AKAP19: variants seen among roughly 807,000 people sequenced by gnomAD.
The protein encoded by AKAP19 is A-kinase anchoring protein 19, also known as small A-kinase anchoring protein.
At chr2:190,037,128 G>T in the AKAP19 span, among the ~76,000 whole-genome samples, 1 of 152,320 alleles carries the variant, frequency 6.6e-6, no homozygotes, top group Admixed American at 6.5e-5. Context: ...TGGCTCAACT[G>T]CTAGGGCTCA....
At chr2:189,918,538 T>C in the AKAP19 span, among the ~76,000 whole-genome samples, 2 of 152,158 alleles carry the variant, frequency 1.3e-5, no homozygotes, top group African/African-American at 2.4e-5. Context: ...TGTGGAGAAA[T>C]TGTAACACTC....
the AKAP19 span, among the ~76,000 whole-genome samples, chr2:190,087,979 C>CA: frequency 7.9e-5 from 12 of 151,870 alleles, no homozygotes; most frequent in Non-Finnish European, 1.3e-4. Flanking sequence ...CGGACACACA[C>CA]AAAAAAGTAG....
the AKAP19 span, among the ~76,000 whole-genome samples, chr2:190,064,270 G>T: frequency 6.6e-6 from 1 of 152,100 alleles, no homozygotes; most frequent in Admixed American, 6.6e-5. Context: ...GAGGATTTCA[G>T]ATACTCTTTG....
the AKAP19 span, among the ~76,000 whole-genome samples, chr2:190,106,451 T>A: frequency 4.6e-5 from 7 of 152,294 alleles, no homozygotes; most frequent in African/African-American, 1.7e-4. Flanking sequence ...ATCCTAATCC[T>A]AATTCTGCTT....
chr2:190,077,464 T>C, the AKAP19 span, among the ~76,000 whole-genome samples: 1 of 140,610 alleles, frequency 7.1e-6, no homozygotes, highest in African/African-American at 3.1e-5. Context: ...TGTTAACATG[T>C]TAACATGTTA....
the AKAP19 span, among the ~76,000 whole-genome samples, chr2:189,970,144 G>A: frequency 6.6e-6 from 1 of 151,932 alleles, no homozygotes; most frequent in Admixed American, 6.6e-5. Context: ...TGAGATTACA[G>A]GCATGAGCCA....
At chr2:189,904,007 AT>A in the AKAP19 span, among the ~76,000 whole-genome samples, 3 of 152,068 alleles carry the variant, frequency 2.0e-5, no homozygotes, top group Non-Finnish European at 4.4e-5. Flanking sequence ...TTTTATAGTC[AT>A]TTTTGTGTGG....
the AKAP19 span, among the ~76,000 whole-genome samples, chr2:190,091,353 T>C: frequency 1.3e-5 from 2 of 152,232 alleles, no homozygotes; most frequent in South Asian, 4.1e-4. Context: ...ATGAATTTAT[T>C]TCAGAAAGTC....
At chr2:190,199,882 C>CAA in the AKAP19 span, 1 of 1,613,682 alleles carries the variant, frequency 6.2e-7, no homozygotes, top group South Asian at 1.1e-5. Context: ...GAAATCAAAG[C>CAA]AAACTTTCCC....
At chr2:190,188,135 C>T in the AKAP19 span, among the ~76,000 whole-genome samples, 1 of 152,064 alleles carries the variant, frequency 6.6e-6, no homozygotes, top group East Asian at 1.9e-4. Flanking sequence ...GATTTTAATA[C>T]TTATAGCCTG....
the AKAP19 span, among the ~76,000 whole-genome samples, chr2:190,058,564 T>C: frequency 6.6e-6 from 1 of 151,998 alleles, no homozygotes; most frequent in Admixed American, 6.6e-5. Flanking sequence ...CGTATGTTTA[T>C]CGCAGCATAA....
chr2:190,094,985 G>A, the AKAP19 span, among the ~76,000 whole-genome samples: 1 of 152,242 alleles, frequency 6.6e-6, no homozygotes, highest in Admixed American at 6.5e-5. Context: ...AGCACTTTGA[G>A]AGGCCGAGAT....
the AKAP19 span, among the ~76,000 whole-genome samples, chr2:190,086,618 A>G: frequency 3.3e-5 from 5 of 152,142 alleles, no homozygotes; most frequent in African/African-American, 9.7e-5. Context: ...GCTAGGTGTT[A>G]TTATTTATCA....
the AKAP19 span, among the ~76,000 whole-genome samples, chr2:190,021,910 G>T: frequency 6.6e-6 from 1 of 152,158 alleles, no homozygotes; most frequent in South Asian, 2.1e-4. Context: ...CGGAGGCCAA[G>T]AAGTCCGAGG....
the AKAP19 span, among the ~76,000 whole-genome samples, chr2:189,964,343 A>G: frequency 2.6e-5 from 4 of 152,326 alleles, no homozygotes; most frequent in East Asian, 7.7e-4. Context: ...TTTATAGAGC[A>G]CAGGGTAGAT....
At chr2:190,025,574 A>G in the AKAP19 span, among the ~76,000 whole-genome samples, 4 of 152,224 alleles carry the variant, frequency 2.6e-5, no homozygotes, top group African/African-American at 9.6e-5. Context: ...AGCTCTTTGT[A>G]GTCTAAGCTT....
At chr2:189,953,634 C>CAA in the AKAP19 span, among the ~76,000 whole-genome samples, 28 of 72,760 alleles carry the variant, frequency 3.8e-4, no homozygotes, top group African/African-American at 1.0e-3. Flanking sequence ...AACTCCATCT[C>CAA]AAAAAAAAAA....
chr2:190,040,759 C>T, the AKAP19 span, among the ~76,000 whole-genome samples: 2 of 152,272 alleles, frequency 1.3e-5, no homozygotes, highest in South Asian at 2.1e-4. Context: ...GTTATTCCAG[C>T]ACCATTTGTT....
chr2:190,146,147 C>T, the AKAP19 span, among the ~76,000 whole-genome samples: 1 of 152,202 alleles, frequency 6.6e-6, no homozygotes, highest in South Asian at 2.1e-4. Flanking sequence ...TTTTATCCCT[C>T]ACCACCCTCC....
Sources: gnomAD v4.1 joint callset for allele counts (sites outside exome capture counted in the v4.1 genomes callset) on GRCh38, gnomAD v4.1.1 for gene constraint, MANE v1.5 for transcripts, NCBI Gene and HGNC (gene_info 2026-07-23, HGNC 2026-07-21) for gene names.